The following RNF157 variants were observed in gnomAD, a reference collection of about 807,000 sequenced individuals.
RNF157 encodes the protein E3 ubiquitin ligase RNF157.
RNF157 carries 55 observed loss-of-function variants against 88.3 expected under a neutral mutation model. The observed-to-expected ratio is 0.62, with a 90% CI of 0.50 to 0.78. RNF157 has a LOEUF of 0.78. Ranked by LOEUF, RNF157 falls within the 30% of genes least tolerant of loss-of-function variation. RNF157 has a pLI of 0.00. For synonymous variants in RNF157, 334 were observed against 341.2 expected, an observed-to-expected ratio of 0.98 and a Z score of 0.23; for missense variants, 788 against 860.8, an observed-to-expected ratio of 0.92 and a Z score of 1.06.
intron 2 of RNF157, among the ~76,000 whole-genome samples, chr17:76,197,915 C>A (rs948708613): frequency 3.9e-5 from 6 of 152,182 alleles, no homozygotes; most frequent in African/African-American, 1.2e-4. Context: ...ATTTGAGGAA[C>A]ATGAACCCCA....
At chr17:76,223,265 G>GC (rs778699971) in intron 1 of RNF157, among the ~76,000 whole-genome samples, 12 of 149,468 alleles carry the variant, frequency 8.0e-5, no homozygotes, top group Non-Finnish European at 1.6e-4. Context: ...TCTGCTCGCT[G>GC]CAACATCCGC....
intron 2 of RNF157, among the ~76,000 whole-genome samples, chr17:76,203,649 A>C (rs2069625883): frequency 6.7e-6 from 1 of 149,338 alleles, no homozygotes; most frequent in African/African-American, 2.5e-5. Flanking sequence ...ACGGGGTTTC[A>C]CCACGCTGGC....
chr17:76,233,569 A>C (rs79746102), intron 1 of RNF157, among the ~76,000 whole-genome samples: 2,507 of 152,206 alleles, frequency 0.016, 67 homozygotes, highest in African/African-American at 0.058. Context: ...ACAGGGTCTC[A>C]ATCTGTCACC....
At chr17:76,202,519 T>C (rs1407071307) in intron 2 of RNF157, 2 of 153,366 alleles carry the variant, frequency 1.3e-5, no homozygotes, top group African/African-American at 2.4e-5. Context: ...TCTTCAAAGA[T>C]TACAGCAATG....
At chr17:76,154,670 T>G in intron 16 of RNF157, 1 of 263,770 alleles carries the variant, frequency 3.8e-6, no homozygotes, top group Non-Finnish European at 7.2e-6. Flanking sequence ...CATAAGACTT[T>G]CAGAAATCCC....
chr17:76,176,185 A>C lies in RNF157; in HGVS notation c.208-2395T>G, dbSNP rs2069099883. On this transcript the variant is annotated intron_variant, in intron 2 of 18. Coordinates refer to ENST00000269391, the MANE Select transcript of RNF157 (RefSeq NM_052916.3). The surrounding 1 kb of genome is among the most constrained non-coding windows in gnomAD (Gnocchi z 4.2). ...AAGATAAGGCCCTGCTCTTTCAGGAAGCTGCATTATAAGGCAGCTGACATA... is the reference window on the plus strand; with the variant it reads ...AAGATAAGGCCCTGCTCTTTCAGGACGCTGCATTATAAGGCAGCTGACATA... Among the ~76,000 whole-genome samples the C allele has an allele frequency of 1.3e-5, 2 of 152,216 alleles. No homozygotes were observed. Among genetic ancestry groups the C allele is most frequent in the African/African-American group, 4.8e-5 (2 of 41,460 alleles).
chr17:76,146,323 A>G lies in RNF157; in HGVS notation c.1922-970T>C. 1 of 984,880 alleles carries G rather than the reference A, an allele frequency of 1.0e-6. No individual in the cohort carries two copies. The highest frequency in any genetic ancestry group is 1.2e-6 in the Non-Finnish European group (1 of 829,460). The allele number at this position is 984,880 out of a possible 1,614,324, so 61.0% of individuals were successfully genotyped here. On this transcript the variant is annotated intron_variant, in intron 18 of 18. Coordinates refer to ENST00000269391, the MANE Select transcript of RNF157 (RefSeq NM_052916.3). The surrounding 1 kb of genome is among the most constrained non-coding windows in gnomAD (Gnocchi z 4.2). Reference sequence around the variant, plus strand: ...GGGCTTGCTGTGAGGACTAGATGAGAGAATGCGAGCGTTGGTGAGTATCTG... The same window carrying G: ...GGGCTTGCTGTGAGGACTAGATGAGGGAATGCGAGCGTTGGTGAGTATCTG...
intron 1 of RNF157, among the ~76,000 whole-genome samples, chr17:76,236,831 A>G (rs2070290496): frequency 6.6e-6 from 1 of 152,244 alleles, no homozygotes; most frequent in Middle Eastern, 3.2e-3. Flanking sequence ...AGACAATATA[A>G]AAAGATCTCC....
chr17:76,229,410 CT>C (rs2070150253), intron 1 of RNF157, among the ~76,000 whole-genome samples: 1 of 152,182 alleles, frequency 6.6e-6, no homozygotes, highest in Non-Finnish European at 1.5e-5. Context: ...GACAATAATA[CT>C]TCTTTCAACA....
chr17:76,147,639 G>C (rs2068604855), intron 18 of RNF157: 1 of 152,298 alleles, frequency 6.6e-6, no homozygotes, highest in Non-Finnish European at 1.5e-5. Context: ...GCAAGCGGGG[G>C]GCACCTTCCC....
chr17:76,155,218 G>C, intron 16 of RNF157, 34 bp downstream of exon 16: 1 of 1,598,388 alleles, frequency 6.3e-7, no homozygotes, highest in Non-Finnish European at 8.6e-7. Flanking sequence ...TCTGGTTGTG[G>C]GAAGGGGGCA....
intron 1 of RNF157, among the ~76,000 whole-genome samples, chr17:76,217,678 C>G (rs925266133): frequency 2.6e-5 from 4 of 152,152 alleles, no homozygotes; most frequent in Non-Finnish European, 5.9e-5. Context: ...ACTTCTTTGC[C>G]TATTTGTTAC....
At chr17:76,174,410 C>G (rs1012981205) in intron 2 of RNF157, among the ~76,000 whole-genome samples, 13 of 152,204 alleles carry the variant, frequency 8.5e-5, no homozygotes, top group Non-Finnish European at 1.3e-4. Context: ...CTTCTTCCCC[C>G]TTTGCCCGTT....
chr17:76,229,878 G>A (rs1379400126), intron 1 of RNF157, among the ~76,000 whole-genome samples: 1 of 152,178 alleles, frequency 6.6e-6, no homozygotes, highest in African/African-American at 2.4e-5. Flanking sequence ...TAAGAGGAAG[G>A]AGACATTAGG....
intron 2 of RNF157, among the ~76,000 whole-genome samples, chr17:76,178,311 G>A (rs1041285215): frequency 6.6e-6 from 1 of 152,250 alleles, no homozygotes; most frequent in African/African-American, 2.4e-5. Flanking sequence ...TGCCAACCGG[G>A]AGAGCTGCTT....
At chr17:76,191,305 G>A (rs1402448224) in intron 2 of RNF157, among the ~76,000 whole-genome samples, 3 of 151,346 alleles carry the variant, frequency 2.0e-5, no homozygotes, top group Non-Finnish European at 4.4e-5. Flanking sequence ...GTGAGACACC[G>A]TCTCTACAAA....
rs1288094504 is a variant in RNF157, at chr17:76,170,354, A to C, written c.297-2557T>G. ...GGTGATCCTCCCACTTCAGCCTCCCAAGTAGCTGGGACTACAGGTGTGCAC... is the reference window on the plus strand; with the variant it reads ...GGTGATCCTCCCACTTCAGCCTCCCCAGTAGCTGGGACTACAGGTGTGCAC... On this transcript the variant is annotated intron_variant, in intron 3 of 18. Coordinates refer to ENST00000269391, the MANE Select transcript of RNF157 (RefSeq NM_052916.3). Among the ~76,000 whole-genome samples the C allele has an allele frequency of 3.9e-5, 6 of 152,022 alleles. No homozygotes were observed. In the East Asian group the frequency reaches 1.2e-3, roughly 29 times the overall value.
intron 11 of RNF157, 88 bp from the exon 12 acceptor site, chr17:76,159,661 T>A (rs1205238812): frequency 2.1e-6 from 2 of 960,898 alleles, no homozygotes; most frequent in Non-Finnish European, 3.3e-6. Flanking sequence ...CTGAAAAAAA[T>A]GTTTTATATC....
intron 2 of RNF157, 189 bp downstream of exon 2, chr17:76,212,175 G>C: frequency 1.9e-6 from 1 of 528,702 alleles, no homozygotes; most frequent in Non-Finnish European, 3.4e-6. Flanking sequence ...GACTCCAGGA[G>C]CTCTTCCAGT....
Sources: gnomAD v4.1 joint callset for allele counts (sites outside exome capture counted in the v4.1 genomes callset) on GRCh38, gnomAD v4.1.1 for gene constraint, Gnocchi (gnomAD v3.1) non-coding constraint, MANE v1.5 for transcripts, NCBI Gene and HGNC (gene_info 2026-07-23, HGNC 2026-07-21) for gene names.